The following AKT2 variants were observed in gnomAD, a reference collection of about 807,000 sequenced individuals.
AKT2 encodes the protein RAC-beta serine/threonine-protein kinase.
Under a neutral mutation model 58.6 loss-of-function variants are expected in AKT2, and 16 were observed. The ratio of observed to expected loss-of-function variants is 0.27; its 90% CI spans 0.18 to 0.41. The LOEUF is 0.41. AKT2 is among the 10% of genes least tolerant of loss of function. The pLI, the probability that AKT2 is intolerant of heterozygous loss-of-function variation, is 1.00. For missense variants in AKT2, 438 were observed against 661.0 expected (o/e 0.66, Z 3.70); for synonymous variants, 253 against 254.0 (o/e 1.00, Z 0.04).
chr19:40,278,490 C>T (rs563998423), intron 1 of AKT2, among the ~76,000 whole-genome samples: 1 of 152,246 alleles, frequency 6.6e-6, no homozygotes, highest in South Asian at 2.1e-4. Context: ...GCTAACACTG[C>T]CCACCTCCCA....
Position 40,235,839 on chromosome 19 carries a change from A to T in AKT2, c.1175+51T>A. On this transcript the variant is annotated intron_variant, in intron 11 of 13. Transcript: ENST00000392038. This position sits in a 1 kb window ranked among gnomAD's most constrained non-coding sequence, Gnocchi z 6.3. ...ACGCTGCCCCCTCCAGGCCGCAGGG[A>T]CAGTGGCAGCAGCTGGCGCTGGGCT... The T allele has an allele frequency of 1.3e-6, 2 of 1,556,644 alleles. No homozygotes were observed. Among genetic ancestry groups the T allele is most frequent in the Non-Finnish European group, 1.7e-6 (2 of 1,150,024 alleles).
chr19:40,268,171 A>G (rs1008882351), intron 1 of AKT2, among the ~76,000 whole-genome samples: 1 of 152,126 alleles, frequency 6.6e-6, no homozygotes, highest in Non-Finnish European at 1.5e-5. Context: ...AATGGCTGGG[A>G]GGGAGAACTC....
chr19:40,245,074 A>T (rs943406029), intron 4 of AKT2, among the ~76,000 whole-genome samples: 2 of 152,210 alleles, frequency 1.3e-5, no homozygotes, highest in Admixed American at 1.3e-4. Context: ...TGCCTCCCCA[A>T]TGACAGCGCC....
At position 40,238,160 on chromosome 19, in the gene AKT2, C is replaced by T. The variant is rs1974149362; in HGVS notation, c.709-69G>A. 5 of 1,544,008 alleles carry T rather than the reference C, an allele frequency of 3.2e-6. No individual in the cohort carries two copies. Among genetic ancestry groups the T allele is most frequent in the Middle Eastern group, 2.1e-4 (1 of 4,740 alleles). On this transcript the variant is annotated intron_variant, in intron 8 of 13. Coordinates refer to ENST00000392038, the MANE Select transcript of AKT2 (RefSeq NM_001626.6). The surrounding 1 kb of genome is among the most constrained non-coding windows in gnomAD (Gnocchi z 5.1). Reference sequence around the variant, plus strand: ...ACCCACCTGCCCTCACCTTCCCAGCCCCCTGCCCCAGCGCAGTGATGTGGT... The same window carrying T: ...ACCCACCTGCCCTCACCTTCCCAGCTCCCTGCCCCAGCGCAGTGATGTGGT...
rs78257861 is a variant in AKT2 at position 40,232,658 on chromosome 19, G to A, written c.*1214C>T. ...CCCTCCCCCACAGGATGAAATGCTC[G>A]GGCCAGGGATGGGGCCCAAGCCCAC... is the stretch of plus-strand genomic sequence containing the variant. On this transcript the variant is annotated 3_prime_UTR_variant, in exon 14 of 14. Coordinates refer to ENST00000392038, the MANE Select transcript of AKT2 (RefSeq NM_001626.6). The A allele has an allele frequency of 2.5e-3, 587 of 233,328 alleles. 4 individuals carry two copies. Among genetic ancestry groups the A allele is most frequent in the East Asian group, 0.016 (262 of 16,564 alleles). The allele number at this position is 233,328 out of a possible 1,614,324, so 14.5% of individuals were successfully genotyped here.
chr19:40,231,324 C>T lies in AKT2; in HGVS notation c.*2548G>A, dbSNP rs1039976349. 4.3e-6 allele frequency: 1 copy of T among 232,524 alleles called. No individual in the cohort carries two copies. Among genetic ancestry groups the T allele is most frequent in the Admixed American group, 5.6e-5 (1 of 17,754 alleles). The allele number at this position is 232,524 out of a possible 1,614,324, so 14.4% of individuals were successfully genotyped here. ...TGAGGAGCAGCAACGTGGGTCAACTCGGGGCTGGGACGAGATGGAAGAGTA... is the reference window on the plus strand; with the variant it reads ...TGAGGAGCAGCAACGTGGGTCAACTTGGGGCTGGGACGAGATGGAAGAGTA... On this transcript the variant is annotated 3_prime_UTR_variant, in exon 14 of 14. Transcript: ENST00000392038.
chr19:40,247,820 G>A (rs981525907), intron 4 of AKT2, among the ~76,000 whole-genome samples: 3 of 152,162 alleles, frequency 2.0e-5, no homozygotes, highest in African/African-American at 7.2e-5. Flanking sequence ...CCGAAGCACA[G>A]AGAGGCTCAT....
chr19:40,273,525 A>AG (rs2077256072), intron 1 of AKT2: 3 of 147,106 alleles, frequency 2.0e-5, no homozygotes, highest in African/African-American at 7.5e-5. Flanking sequence ...AAAAAAAAAG[A>AG]GAGAGACTTT....
At chr19:40,236,641 C>T (rs1209683121) in intron 9 of AKT2, 8 of 546,116 alleles carry the variant, frequency 1.5e-5, no homozygotes, top group African/African-American at 3.8e-5. Context: ...GTCCACCCAC[C>T]GTCCCCATTG....
chr19:40,236,927 C>CAA, intron 9 of AKT2: 1 of 179,012 alleles, frequency 5.6e-6, no homozygotes, highest in South Asian at 1.2e-4. Context: ...CAGCTACTTG[C>CAA]GAGGCTGAGG....
intron 1 of AKT2, among the ~76,000 whole-genome samples, chr19:40,279,961 C>T (rs759813867): frequency 6.6e-5 from 10 of 152,324 alleles, no homozygotes; most frequent in African/African-American, 1.2e-4. Context: ...CCTACCCACA[C>T]GTCACCTCCT....
intron 2 of AKT2, among the ~76,000 whole-genome samples, chr19:40,265,008 G>A (rs543558940): frequency 1.3e-5 from 2 of 152,224 alleles, no homozygotes; most frequent in African/African-American, 4.8e-5. Context: ...GGCTATGAAT[G>A]AGATCACTCA....
chr19:40,243,967 C>A (rs1974573578), intron 4 of AKT2: 1 of 151,606 alleles, frequency 6.6e-6, no homozygotes, highest in South Asian at 2.1e-4. Context: ...TCATTTGAAC[C>A]CGGGAGGCGG....
intron 4 of AKT2, among the ~76,000 whole-genome samples, chr19:40,245,909 T>C (rs1007620147): frequency 1.3e-5 from 2 of 152,118 alleles, no homozygotes; most frequent in African/African-American, 4.8e-5. Flanking sequence ...CAGGGCCCAG[T>C]GCAGACCCGG....
chr19:40,246,773 AGATGGGAATCAG>A (rs1974778162), intron 4 of AKT2, among the ~76,000 whole-genome samples: 1 of 152,230 alleles, frequency 6.6e-6, no homozygotes, highest in Non-Finnish European at 1.5e-5. Context: ...AGGCTACTCC[AGATGGGAATCAG>A]GAGCACAGGC....
At position 40,231,718 on chromosome 19, in the gene AKT2, G is replaced by C. The variant is rs58971822; in HGVS notation, c.*2154C>G. 2 of 233,362 alleles carry C rather than the reference G, an allele frequency of 8.6e-6. No individual in the cohort carries two copies. The highest frequency in any genetic ancestry group is 2.2e-5 in the African/African-American group (1 of 45,366). 14.5% of individuals were successfully genotyped at this position (233,362 alleles called of 1,614,324 possible). A position where few individuals can be genotyped will look rare whatever the true frequency, so the allele number is the denominator to read the frequency against. On this transcript the variant is annotated 3_prime_UTR_variant, in exon 14 of 14. Transcript: ENST00000392038. ...ATGCAGCCACGTGACTCAAGCACGG[G>C]AAGTGCAGGGGCCCAGACACATCCA...
chr19:40,261,866 T>G (rs968807484), intron 2 of AKT2, among the ~76,000 whole-genome samples: 1 of 151,560 alleles, frequency 6.6e-6, no homozygotes, highest in Non-Finnish European at 1.5e-5. Flanking sequence ...ATCATACACT[T>G]CAAAATGGTT....
chr19:40,253,209 G>A lies in AKT2; in HGVS notation c.287+1949C>T, dbSNP rs528935476. On this transcript the variant is annotated intron_variant, in intron 4 of 13. Coordinates refer to ENST00000392038, the MANE Select transcript of AKT2 (RefSeq NM_001626.6). ...CAGGCAATTGGCACAGGTGCCTACT[G>A]GACAGTGCAGATAAAGGGCATTTCC... Among the ~76,000 whole-genome samples the A allele has an allele frequency of 9.8e-5, 15 of 152,292 alleles. 1 individual carries two copies. The South Asian group carries it at 3.1e-3, about 32-fold the overall frequency.
At chr19:40,248,036 G>A in intron 4 of AKT2, among the ~76,000 whole-genome samples, 1 of 152,148 alleles carries the variant, frequency 6.6e-6, no homozygotes. Flanking sequence ...CAGGAGCTGT[G>A]GGGTCATTGC....
Sources: gnomAD v4.1 joint callset for allele counts (sites outside exome capture counted in the v4.1 genomes callset) on GRCh38, gnomAD v4.1.1 for gene constraint, Gnocchi (gnomAD v3.1) non-coding constraint, MANE v1.5 for transcripts, NCBI Gene and HGNC (gene_info 2026-07-23, HGNC 2026-07-21) for gene names.